TXNDC5: variants seen among roughly 807,000 people sequenced by gnomAD.
TXNDC5 encodes the protein thioredoxin domain-containing protein 5.
In TXNDC5, 44 loss-of-function variants were observed where a neutral mutation model predicts 52.6. The observed-to-expected ratio is 0.84, with a 90% confidence interval of 0.66 to 1.08. TXNDC5 has a LOEUF of 1.08. Ranked by LOEUF, TXNDC5 falls within the 50% of genes least tolerant of loss-of-function variation. TXNDC5 has a pLI of 0.00. For synonymous variants in TXNDC5, 241 were observed against 234.4 expected (o/e 1.03, Z -0.26); for missense variants, 600 against 565.5 (o/e 1.06, Z -0.62).
rs766744631 is a variant in TXNDC5 at position 7,883,166 on chromosome 6, C to A, written c.1277G>T (p.Ser426Ile). 3 of 1,614,204 alleles carry A rather than the reference C, an allele frequency of 1.9e-6. No individual in the cohort carries two copies. The highest frequency in any genetic ancestry group is 2.5e-6 in the Non-Finnish European group (3 of 1,180,036). The change falls in exon 10 of 10, where the codon AGC (serine) becomes ATC (isoleucine). Residue 426 changes from serine to isoleucine, a missense_variant. By Grantham distance (142) the Ser-to-Ile change is moderately radical. Transcript: ENST00000379757. Reference sequence around the variant, plus strand: ...TTCCTAAAGTTCGTCTTTCGCTTGGCTCAGGACAAAGCGGTGTAACGAGTC... The same window carrying A: ...TTCCTAAAGTTCGTCTTTCGCTTGGATCAGGACAAAGCGGTGTAACGAGTC... ...DLDSLHRFVL[S>I]QAKDEL
intron 8 of TXNDC5, among the ~76,000 whole-genome samples, chr6:7,885,373 TTACTA>T (rs1349820676): frequency 6.6e-6 from 1 of 152,196 alleles, no homozygotes; most frequent in Admixed American, 6.5e-5. Context: ...ACATCCAAGT[TTACTA>T]TACAGTCATT....
intron 2 of TXNDC5, among the ~76,000 whole-genome samples, chr6:7,901,290 C>T (rs76977407): frequency 0.011 from 1,621 of 152,252 alleles, 22 homozygotes; most frequent in African/African-American, 0.034. Context: ...AGGTGTGTTC[C>T]GCACCTGGAA....
At chr6:7,890,910 C>T (rs1213058720) in intron 5 of TXNDC5, among the ~76,000 whole-genome samples, 1 of 152,188 alleles carries the variant, frequency 6.6e-6, no homozygotes, top group Non-Finnish European at 1.5e-5. Context: ...ATGCTTTTGA[C>T]CATCTCACCA....
At chr6:7,904,526 T>G (rs1438514791) in intron 2 of TXNDC5, 48 bp downstream of exon 2, 1 of 1,600,344 alleles carries the variant, frequency 6.2e-7, no homozygotes, top group Non-Finnish European at 8.5e-7. Context: ...GGACTTTCTT[T>G]GTAGCCAGGA....
At chr6:7,897,857 G>A (rs1760427136) in intron 3 of TXNDC5, among the ~76,000 whole-genome samples, 1 of 152,118 alleles carries the variant, frequency 6.6e-6, no homozygotes, top group Non-Finnish European at 1.5e-5. Context: ...TCCAATATAT[G>A]TGTCCCCACA....
At chr6:7,907,838 G>A (rs982579414) in intron 1 of TXNDC5, among the ~76,000 whole-genome samples, 6 of 152,056 alleles carry the variant, frequency 3.9e-5, no homozygotes, top group South Asian at 2.1e-4. Flanking sequence ...CATTTGACTC[G>A]CCGCCCACTC....
intron 5 of TXNDC5, 59 bp downstream of exon 5, chr6:7,891,562 C>G: frequency 1.4e-6 from 2 of 1,411,720 alleles, no homozygotes; most frequent in Non-Finnish European, 2.0e-6. Flanking sequence ...ATGGGCCACT[C>G]TGCTAATTAA....
intron 2 of TXNDC5, among the ~76,000 whole-genome samples, chr6:7,901,327 G>A (rs928124391): frequency 6.6e-6 from 1 of 152,186 alleles, no homozygotes; most frequent in African/African-American, 2.4e-5. Context: ...GCACGGCTCT[G>A]CCTCCCGCTA....
chr6:7,904,842 A>G, intron 1 of TXNDC5, 119 bp from the exon 2 acceptor site: 1 of 1,196,618 alleles, frequency 8.4e-7, no homozygotes, highest in Non-Finnish European at 1.2e-6. Context: ...ACCATTGCAG[A>G]TGGCAGCTCC....
At chr6:7,907,613 G>A (rs775076566) in intron 1 of TXNDC5, among the ~76,000 whole-genome samples, 5 of 152,172 alleles carry the variant, frequency 3.3e-5, no homozygotes, top group South Asian at 2.1e-4. Flanking sequence ...ACCACTCCAC[G>A]GCAGCTGAAA....
intron 7 of TXNDC5, among the ~76,000 whole-genome samples, chr6:7,886,298 G>A (rs1283423682): frequency 6.6e-6 from 1 of 152,176 alleles, no homozygotes. Flanking sequence ...GGAGGTGGCT[G>A]GACACTGTAC....
intron 1 of TXNDC5, among the ~76,000 whole-genome samples, chr6:7,908,969 G>C (rs1760821074): frequency 1.3e-5 from 2 of 152,182 alleles, no homozygotes; most frequent in Non-Finnish European, 2.9e-5. Context: ...AAGAGAAACT[G>C]TTAATACTGC....
chr6:7,903,695 G>A (rs1398769653), intron 2 of TXNDC5, among the ~76,000 whole-genome samples: 3 of 152,202 alleles, frequency 2.0e-5, no homozygotes, highest in Non-Finnish European at 4.4e-5. Flanking sequence ...AAATTGTATA[G>A]AATTGACTTC....
At chr6:7,885,014 C>T (rs1581305849) in intron 8 of TXNDC5, among the ~76,000 whole-genome samples, 1 of 152,194 alleles carries the variant, frequency 6.6e-6, no homozygotes, top group East Asian at 1.9e-4. Flanking sequence ...TCCCTTGTCT[C>T]TTCTGACCCC....
At chr6:7,910,152 C>G (rs1273224374) in intron 1 of TXNDC5, 3 of 988,564 alleles carry the variant, frequency 3.0e-6, no homozygotes, top group Non-Finnish European at 3.6e-6. Flanking sequence ...ACCGCCCCGG[C>G]CGCCGAGCGC....
intron 7 of TXNDC5, among the ~76,000 whole-genome samples, chr6:7,888,286 G>A (rs1056796574): frequency 7.9e-5 from 12 of 152,168 alleles, no homozygotes; most frequent in Admixed American, 5.9e-4. Context: ...TCTTCTAGGG[G>A]CCTTTACAAC....
At position 7,910,710 on chromosome 6, in the gene TXNDC5, G is replaced by A; in HGVS notation, c.67C>T (p.Leu23=). ...CCGCCGCCATGGCCCAGCAGCAGCA[G>A]CAGCAGCGCAGTCAGGGCCGCCGGC... The part of the protein sequence containing the change: ...ARPAALTALL[L]LLLGHGGGGR... The change falls in exon 1 of 10, where the codon CTG becomes TTG. Residue 23 remains leucine, a synonymous_variant. Transcript: ENST00000379757. 9.3e-7 allele frequency: 1 copy of A among 1,072,482 alleles called. No individual in the cohort carries two copies. Among genetic ancestry groups the A allele is most frequent in the Non-Finnish European group, 1.1e-6 (1 of 889,654 alleles). The allele number at this position is 1,072,482 out of a possible 1,614,324, so 66.4% of individuals were successfully genotyped here. A position where few individuals can be genotyped will look rare whatever the true frequency, so the allele number is the denominator to read the frequency against.
chr6:7,884,245 A>C, intron 9 of TXNDC5, 114 bp downstream of exon 9: 63 of 1,429,184 alleles, frequency 4.4e-5, no homozygotes, highest in Non-Finnish European at 5.3e-5. Flanking sequence ...AGGGACATAA[A>C]AACCACATTG....
At chr6:7,884,951 C>A (rs1225936) in intron 8 of TXNDC5, among the ~76,000 whole-genome samples, 5,714 of 152,276 alleles carry the variant, frequency 0.038, 134 homozygotes, top group Middle Eastern at 0.068. Flanking sequence ...GTGGGGTGAG[C>A]ATCAAGGCCA....
Sources: gnomAD v4.1 joint callset for allele counts (sites outside exome capture counted in the v4.1 genomes callset) on GRCh38, gnomAD v4.1.1 for gene constraint, MANE v1.5 for transcripts, NCBI Gene and HGNC (gene_info 2026-07-23, HGNC 2026-07-21) for gene names.